ZFAND4: variants seen among roughly 807,000 people sequenced by gnomAD.
ZFAND4 encodes the protein AN1-type zinc finger protein 4.
ZFAND4 carries 43 observed loss-of-function variants against 64.4 expected under a neutral mutation model. The observed-to-expected ratio is 0.67, with a 90% confidence interval of 0.52 to 0.86. The LOEUF is 0.86. Ranked by LOEUF, ZFAND4 falls within the 40% of genes least tolerant of loss-of-function variation. The pLI is 0.00. For missense variants in ZFAND4, 929 were observed against 859.8 expected (o/e 1.08, Z -1.01); for synonymous variants, 296 against 305.7 (o/e 0.97, Z 0.33).
chr10:45,670,387 C>G (rs1589462627), intron 1 of ZFAND4, among the ~76,000 whole-genome samples: 1 of 152,062 alleles, frequency 6.6e-6, no homozygotes, highest in African/African-American at 2.4e-5. Context: ...CCACCACGCC[C>G]GGCTAATTTT....
intron 5 of ZFAND4, among the ~76,000 whole-genome samples, chr10:45,642,951 C>G (rs1315864164): frequency 1.9e-5 from 2 of 107,678 alleles, no homozygotes; most frequent in South Asian, 6.6e-4. Flanking sequence ...GAGTTTCACT[C>G]TTGTTGCCCA....
Position 45,626,693 on chromosome 10 carries a change from C to G in ZFAND4, c.1130G>C (p.Ser377Thr). Residue 377 changes from serine to threonine, a missense_variant, in exon 7 of 10, where the codon AGT becomes ACT. Transcript: ENST00000344646. ...TKHFLGNLPSSNGNIVLPSEE... is the reference protein window; with the variant it reads ...TKHFLGNLPSTNGNIVLPSEE... ...TGAAGGTAAGACAATGTTCCCATTACTAGATGGCAAGTTTCCTAAAAAATG... is the reference window on the plus strand; with the variant it reads ...TGAAGGTAAGACAATGTTCCCATTAGTAGATGGCAAGTTTCCTAAAAAATG... The G allele has an allele frequency of 6.2e-7, 1 of 1,614,224 alleles. No individual in the cohort carries two copies. The highest frequency in any genetic ancestry group is 1.1e-5 in the South Asian group (1 of 91,084).
rs115071917 is a variant in ZFAND4, at chr10:45,623,547, C to T, written c.1927+1036G>A. Among the ~76,000 whole-genome samples the T allele has an allele frequency of 5.1e-3, 778 of 152,230 alleles. 5 individuals carry two copies. The highest frequency in any genetic ancestry group is 0.018 in the African/African-American group (740 of 41,546). ...ATTCTGATAAGTGAAATAAGCCAGT[C>T]ATAAAAAGACAAATACTGTTTGATT... is the stretch of plus-strand genomic sequence containing the variant. On this transcript the variant is annotated intron_variant, in intron 8 of 9. Transcript: ENST00000344646.
chr10:45,631,093 C>A (rs998641515), intron 6 of ZFAND4, among the ~76,000 whole-genome samples: 1 of 151,898 alleles, frequency 6.6e-6, no homozygotes, highest in Non-Finnish European at 1.5e-5. Context: ...CCGAGGCGGG[C>A]GGATCACCAG....
In ZFAND4 at chr10:45,663,797, T is replaced by A. The variant is rs899074731; in HGVS notation, c.-72A>T. The A allele has an allele frequency of 7.7e-7, 1 of 1,306,684 alleles. No homozygotes were observed. Among genetic ancestry groups the A allele is most frequent in the South Asian group, 1.5e-5 (1 of 68,596 alleles). 80.9% of individuals were successfully genotyped at this position (1,306,684 alleles called of 1,614,324 possible). ...ATTCCAGTTCTAGGCAAACCAGGTT[T>A]GAAGATTGGTAATATATATTGTTGT... On this transcript the variant is annotated 5_prime_UTR_variant, in exon 2 of 10. Transcript: ENST00000344646.
chr10:45,625,893 A>C lies in ZFAND4; in HGVS notation c.1872+58T>G, dbSNP rs531863832. 41 of 1,484,082 alleles carry C rather than the reference A, an allele frequency of 2.8e-5. No homozygotes were observed. The East Asian group carries it at 9.2e-4, about 33-fold the overall frequency. 91.9% of individuals were successfully genotyped at this position (1,484,082 alleles called of 1,614,324 possible). A position where few individuals can be genotyped will look rare whatever the true frequency, so the allele number is the denominator to read the frequency against. ...TTATGTAAACAAAAACCAAACTTTA[A>C]ATAAGTTGAATCACTACAAGGATAA... is the stretch of plus-strand genomic sequence containing the variant. On this transcript the variant is annotated intron_variant, in intron 7 of 9. Coordinates refer to ENST00000344646, the MANE Select transcript of ZFAND4 (RefSeq NM_174890.4).
intron 6 of ZFAND4, among the ~76,000 whole-genome samples, chr10:45,630,999 C>G (rs1208359778): frequency 6.7e-6 from 1 of 149,040 alleles, no homozygotes; most frequent in Admixed American, 6.7e-5. Context: ...GAAAAGACCA[C>G]GACGATGTTC....
chr10:45,637,488 A>C (rs981412587), intron 6 of ZFAND4, among the ~76,000 whole-genome samples: 1 of 152,054 alleles, frequency 6.6e-6, no homozygotes, highest in African/African-American at 2.4e-5. Context: ...GCAGTGACTC[A>C]TGCCTGTAAT....
At position 45,648,532 on chromosome 10, in the gene ZFAND4, G is replaced by T; in HGVS notation, c.331C>A (p.Pro111Thr). The change falls in exon 5 of 10, where the codon CCT becomes ACT. Residue 111 changes from proline to threonine, a missense_variant and splice_region_variant. Transcript: ENST00000344646. ...ATCTTCCTAAGTGGATCGTCTGTAGGAACTACAAATGGAAAATTGAAATAA... is the reference window on the plus strand; with the variant it reads ...ATCTTCCTAAGTGGATCGTCTGTAGTAACTACAAATGGAAAATTGAAATAA... ...RGGPINTRRV[P>T]TDDPLRKMAE... The T allele has an allele frequency of 6.3e-7, 1 of 1,591,286 alleles. No homozygotes were observed. The highest frequency in any genetic ancestry group is 1.4e-5 in the African/African-American group (1 of 73,994).
intron 6 of ZFAND4, 52 bp from the exon 7 acceptor site, chr10:45,627,157 T>C (rs1002667230): frequency 7.0e-7 from 1 of 1,431,914 alleles, no homozygotes; most frequent in South Asian, 1.5e-5. Flanking sequence ...CTCTGCCCAT[T>C]AACAAAAATT....
chr10:45,622,885 A>G (rs545046831), intron 8 of ZFAND4, among the ~76,000 whole-genome samples: 2 of 152,204 alleles, frequency 1.3e-5, no homozygotes, highest in South Asian at 4.1e-4. Context: ...AGTATCTTTA[A>G]TAAAGCTGGA....
chr10:45,660,207 A>G (rs1024785482), intron 2 of ZFAND4, among the ~76,000 whole-genome samples: 1 of 151,608 alleles, frequency 6.6e-6, no homozygotes, highest in Admixed American at 6.6e-5. Context: ...CTTCCTAGGC[A>G]AGGCACAGTG....
At chr10:45,618,056 C>T (rs2045131904) in intron 9 of ZFAND4, 84 bp downstream of exon 9, 2 of 1,399,134 alleles carry the variant, frequency 1.4e-6, no homozygotes, top group African/African-American at 1.4e-5. Flanking sequence ...TATAAACAGG[C>T]AATTTAAATA....
At chr10:45,649,811 A>G (rs183860852) in intron 4 of ZFAND4, 5 of 151,598 alleles carry the variant, frequency 3.3e-5, no homozygotes, top group Admixed American at 2.0e-4. Flanking sequence ...TTTAGGGGGG[A>G]AAAAACCCAA....
chr10:45,637,385 G>C (rs140657576), intron 6 of ZFAND4, among the ~76,000 whole-genome samples: 38 of 150,192 alleles, frequency 2.5e-4, no homozygotes, highest in African/African-American at 8.8e-4. Context: ...ACCTAAGTGA[G>C]AGAAAAACAA....
At position 45,626,573 on chromosome 10, in the gene ZFAND4, T is replaced by G. The variant is rs1384493692; in HGVS notation, c.1250A>C (p.Glu417Ala). The G allele has an allele frequency of 6.2e-7, 1 of 1,614,160 alleles. No individual in the cohort carries two copies. Among genetic ancestry groups the G allele is most frequent in the Admixed American group, 1.7e-5 (1 of 60,024 alleles). ...GNADEQSSGLEGACKVNLELL... is the reference protein window; with the variant it reads ...GNADEQSSGLAGACKVNLELL... Reference sequence around the variant, plus strand: ...CTCCAGATTCACTTTGCACGCACCTTCTAAGCCGCTGCTCTGTTCATCAGC... The same window carrying G: ...CTCCAGATTCACTTTGCACGCACCTGCTAAGCCGCTGCTCTGTTCATCAGC... The change falls in exon 7 of 10, where the codon GAA becomes GCA. Residue 417 changes from glutamate to alanine, a missense_variant. Transcript: ENST00000344646.
Position 45,625,999 on chromosome 10 carries a change from T to C in ZFAND4, c.1824A>G (p.Glu608=). Reference sequence around the variant, plus strand: ...ACTGGGGAGAACTTTTCCTAAAGTTTTCTTCCTGAAAATGCTGGAGGTTTG... The same window carrying C: ...ACTGGGGAGAACTTTTCCTAAAGTTCTCTTCCTGAAAATGCTGGAGGTTTG... ...LSTNLQHFQE[E]NFRKSSPQLE... is the part of the protein sequence containing the mutation. The change falls in exon 7 of 10, where the codon GAA becomes GAG. Residue 608 remains glutamate, a synonymous_variant. Transcript: ENST00000344646. 1 of 1,614,148 alleles carries C rather than the reference T, an allele frequency of 6.2e-7. No homozygotes were observed. The highest frequency in any genetic ancestry group is 8.5e-7 in the Non-Finnish European group (1 of 1,180,028).
chr10:45,628,051 A>AT (rs1254173572), intron 6 of ZFAND4, among the ~76,000 whole-genome samples: 3 of 152,190 alleles, frequency 2.0e-5, no homozygotes, highest in Admixed American at 6.5e-5. Context: ...GGCATGGTAG[A>AT]TTTTTTAAAA....
At chr10:45,617,537 G>T (rs1589222125) in intron 9 of ZFAND4, among the ~76,000 whole-genome samples, 1 of 149,852 alleles carries the variant, frequency 6.7e-6, no homozygotes, top group Non-Finnish European at 1.5e-5. Context: ...CTGAGGCAGG[G>T]GGATCGCTTG....
Sources: gnomAD v4.1 joint callset for allele counts (sites outside exome capture counted in the v4.1 genomes callset) on GRCh38, gnomAD v4.1.1 for gene constraint, MANE v1.5 for transcripts, NCBI Gene and HGNC (gene_info 2026-07-23, HGNC 2026-07-21) for gene names.